PCDHA8: variants seen among roughly 807,000 people sequenced by gnomAD.
PCDHA8 encodes the protein protocadherin alpha 8, also known as protocadherin alpha-8.
Under a neutral mutation model 61.8 loss-of-function variants are expected in PCDHA8, and 53 were observed. The observed-to-expected ratio is 0.86, with a 90% CI of 0.69 to 1.08. The LOEUF is 1.08. Ranked by LOEUF, PCDHA8 falls within the 50% of genes least tolerant of loss-of-function variation. PCDHA8 has a pLI of 0.00. For synonymous variants in PCDHA8, 618 were observed against 556.6 expected (o/e 1.11, Z -1.55); for missense variants, 1,293 against 1,245.0 (o/e 1.04, Z -0.58).
chr5:140,926,683 C>A, intron 1 of PCDHA8: 3 of 669,314 alleles, frequency 4.5e-6, no homozygotes, highest in Non-Finnish European at 6.7e-6. Context: ...AGCCTCCAGC[C>A]TAGCAAGCCC....
chr5:140,905,231 A>G (rs2071692761), intron 1 of PCDHA8, among the ~76,000 whole-genome samples: 1 of 152,180 alleles, frequency 6.6e-6, no homozygotes, highest in African/African-American at 2.4e-5. Flanking sequence ...AGAGATGAGG[A>G]TCCAGTTTCA....
intron 1 of PCDHA8, among the ~76,000 whole-genome samples, chr5:140,946,634 A>ATATATATATAT (rs1554217761): frequency 2.7e-5 from 4 of 147,312 alleles, no homozygotes; most frequent in African/African-American, 7.7e-5. Context: ...ATATATATAC[A>ATATATATATAT]ATGGAATACT....
chr5:140,848,597 C>G lies in PCDHA8; in HGVS notation c.2394+4882C>G, dbSNP rs151001396. 6,374 of 1,580,604 alleles carry G rather than the reference C, an allele frequency of 4.0e-3. 857 individuals carry two copies. Among genetic ancestry groups the G allele is most frequent in the South Asian group, 0.012 (1,061 of 88,252 alleles). On this transcript the variant is annotated intron_variant, in intron 1 of 3. Transcript: ENST00000531613. ...TGGGGAGCGGCCAGCTCCACTACTC[C>G]GTCCCGGAGGAAGCCGAACACGGCA...
Position 141,010,035 on chromosome 5 carries a change from G to A in PCDHA8, c.*98G>A. 7 of 1,582,518 alleles carry A rather than the reference G, an allele frequency of 4.4e-6. No individual in the cohort carries two copies. The South Asian group carries it at 7.1e-5, about 16-fold the overall frequency. ...CTGCTCCTTTTTCCTATCTACATGAGCCCTCTTAGAGACCTCAGAAATCTG... is the reference window on the plus strand; with the variant it reads ...CTGCTCCTTTTTCCTATCTACATGAACCCTCTTAGAGACCTCAGAAATCTG... On this transcript the variant is annotated 3_prime_UTR_variant, in exon 4 of 4. Coordinates refer to ENST00000531613, the MANE Select transcript of PCDHA8 (RefSeq NM_018911.3).
At chr5:140,916,592 G>A (rs1554197534) in intron 1 of PCDHA8, among the ~76,000 whole-genome samples, 2 of 152,164 alleles carry the variant, frequency 1.3e-5, no homozygotes, top group Non-Finnish European at 2.9e-5. Flanking sequence ...ATGAGCTAGG[G>A]CCTGGAATGC....
At chr5:140,898,961 G>A (rs1405112699) in intron 1 of PCDHA8, among the ~76,000 whole-genome samples, 1 of 152,036 alleles carries the variant, frequency 6.6e-6, no homozygotes, top group African/African-American at 2.4e-5. Flanking sequence ...AGTTGTGAAT[G>A]GGAGTTCACT....
At chr5:140,968,817 T>C in intron 1 of PCDHA8, 2 of 1,614,110 alleles carry the variant, frequency 1.2e-6, no homozygotes, top group Middle Eastern at 3.3e-4. Flanking sequence ...GTGGATAGGG[T>C]TTCCAAAATC....
intron 1 of PCDHA8, among the ~76,000 whole-genome samples, chr5:140,901,937 A>G (rs2068997026): frequency 6.7e-6 from 1 of 148,692 alleles, no homozygotes; most frequent in South Asian, 2.1e-4. Context: ...ATTCCTAGGT[A>G]TATTTAGTTT....
intron 1 of PCDHA8, among the ~76,000 whole-genome samples, chr5:140,942,021 A>C (rs2093219800): frequency 6.6e-6 from 1 of 152,198 alleles, no homozygotes; most frequent in South Asian, 2.1e-4. Context: ...TTTTGGGAAA[A>C]AATAATTCAT....
At position 140,978,992 on chromosome 5, in the gene PCDHA8, G is replaced by T. The variant is rs1363421000; in HGVS notation, c.2438G>T (p.Arg813Ile). The change falls in exon 2 of 4, where the codon AGA (arginine) becomes ATA (isoleucine). Residue 813 changes from arginine to isoleucine, a missense_variant. Arg to Ile is a moderately conservative substitution (Grantham distance 97). Transcript: ENST00000531613. ...NPDWRYSASL[R>I]AGMHSSVHLE... Reference sequence around the variant, plus strand: ...GACTGGCGTTACTCTGCCTCCCTGAGAGCAGGCATGCACAGGTATGTATTT... The same window carrying T: ...GACTGGCGTTACTCTGCCTCCCTGATAGCAGGCATGCACAGGTATGTATTT... The T allele has an allele frequency of 8.1e-6, 13 of 1,614,060 alleles. No homozygotes were observed. Among genetic ancestry groups the T allele is most frequent in the Non-Finnish European group, 1.1e-5 (13 of 1,180,034 alleles).
chr5:140,846,261 G>T (rs922886728), intron 1 of PCDHA8, among the ~76,000 whole-genome samples: 4 of 148,852 alleles, frequency 2.7e-5, no homozygotes, highest in Admixed American at 6.7e-5. Flanking sequence ...TTTTGATGAT[G>T]ATTTAAAGTC....
At chr5:140,883,283 G>C (rs782514861) in intron 1 of PCDHA8, 2 of 1,613,916 alleles carry the variant, frequency 1.2e-6, no homozygotes, top group Admixed American at 1.7e-5. Context: ...CCTTTTGGTG[G>C]AAGTACTAGA....
Position 140,927,842 on chromosome 5 carries a change from T to C in PCDHA8, c.2395-51107T>C, listed in dbSNP as rs201721848. 1.9e-6 allele frequency: 3 copies of C among 1,614,140 alleles called. No individual in the cohort carries two copies. The African/African-American group carries it at 4.0e-5, about 22-fold the overall frequency. On this transcript the variant is annotated intron_variant, in intron 1 of 3. Transcript: ENST00000531613. ...TACATTGAGGCGAGGGACGAAGGTG[T>C]CTTTGGTTTAGCTAGCACCGCTAAA... is the stretch of plus-strand genomic sequence containing the variant.
Position 140,892,397 on chromosome 5 carries a change from T to C in PCDHA8, c.2394+48682T>C, listed in dbSNP as rs554853881. On this transcript the variant is annotated intron_variant, in intron 1 of 3. Coordinates refer to ENST00000531613, the MANE Select transcript of PCDHA8 (RefSeq NM_018911.3). ...GCAATCATGGGTAATCTTAATCTAT[T>C]TCAAGCTTCAGGTATTCTAGATAAA... is the stretch of plus-strand genomic sequence containing the variant. Among the ~76,000 whole-genome samples the C allele has an allele frequency of 2.0e-5, 3 of 152,326 alleles. No homozygotes were observed. The South Asian group carries it at 6.2e-4, about 32-fold the overall frequency.
chr5:140,882,888 A>G, intron 1 of PCDHA8: 1 of 1,614,190 alleles, frequency 6.2e-7, no homozygotes. Context: ...GAAATTCAGG[A>G]ACATAGTTTA....
intron 3 of PCDHA8, among the ~76,000 whole-genome samples, chr5:140,997,635 A>C (rs1317325954): frequency 6.6e-6 from 1 of 151,942 alleles, no homozygotes; most frequent in Non-Finnish European, 1.5e-5. Context: ...CAAAAAGCAA[A>C]ATGGGATAAT....
At chr5:140,937,378 G>A (rs1248709474) in intron 1 of PCDHA8, among the ~76,000 whole-genome samples, 2 of 152,248 alleles carry the variant, frequency 1.3e-5, no homozygotes, top group East Asian at 1.9e-4. Context: ...GTTTATGTGT[G>A]TGTATGTGTA....
chr5:140,928,861 A>C (rs781787998), intron 1 of PCDHA8: 3 of 1,614,164 alleles, frequency 1.9e-6, no homozygotes, highest in Non-Finnish European at 2.5e-6. Context: ...TGTGCTGTTG[A>C]GCAACTCTGT....
At chr5:140,976,753 G>A (rs2096729890) in intron 1 of PCDHA8, among the ~76,000 whole-genome samples, 1 of 152,130 alleles carries the variant, frequency 6.6e-6, no homozygotes. Context: ...CCTCCCAGAT[G>A]CCAGAAGCCT....
Sources: allele counts gnomAD v4.1 joint callset (sites outside exome capture counted in the v4.1 genomes callset), GRCh38; gene constraint gnomAD v4.1.1; transcripts MANE v1.5; gene names NCBI Gene and HGNC (gene_info 2026-07-23, HGNC 2026-07-21).